Variants in TSHZ3 observed in about 807,000 individuals in gnomAD.
TSHZ3 encodes teashirt zinc finger homeobox 3.
In TSHZ3, 10 loss-of-function variants were observed where a neutral mutation model predicts 64.5. That is an observed-to-expected ratio of 0.16 (90% CI 0.10 to 0.26). The LOEUF is 0.26. Ranked by LOEUF, TSHZ3 falls within the 10% of genes least tolerant of loss-of-function variation. The pLI is 1.00. For missense variants in TSHZ3, 1,242 were observed against 1,421.7 expected, an observed-to-expected ratio of 0.87 and a Z score of 2.03; for synonymous variants, 608 against 593.1, an observed-to-expected ratio of 1.03 and a Z score of -0.36.
chr19:31,306,592 T>C (rs1486641543), intron 1 of TSHZ3, among the ~76,000 whole-genome samples: 1 of 152,190 alleles, frequency 6.6e-6, no homozygotes, highest in African/African-American at 2.4e-5. Flanking sequence ...TGTATGTGTG[T>C]GTGTAAAACC....
chr19:31,324,233 A>T (rs1916867320), intron 1 of TSHZ3, among the ~76,000 whole-genome samples: 1 of 152,180 alleles, frequency 6.6e-6, no homozygotes. Context: ...AATGTAGTAG[A>T]CTTGTGAGTT....
In TSHZ3 at chr19:31,231,452, C is replaced by T. The variant is rs116933601; in HGVS notation, n.551-3312G>A. ...CTCAATTTCCTTTGTGATTCAGCCT[C>T]GTATTATGTAGCCTGACTCCACTGT... On this transcript the variant is annotated intron_variant and non_coding_transcript_variant, in intron 3 of 6. Coordinates refer to the TSHZ3 transcript ENST00000651361. Among the ~76,000 whole-genome samples, 932 of 152,256 alleles carry T rather than the reference C, an allele frequency of 6.1e-3. 8 individuals are homozygous for T. The highest frequency in any genetic ancestry group is 0.012 in the South Asian group (60 of 4,824).
intron 4 of TSHZ3, among the ~76,000 whole-genome samples, chr19:31,213,722 T>C (rs757535266): frequency 5.3e-5 from 8 of 151,958 alleles, no homozygotes; most frequent in Non-Finnish European, 7.4e-5. Context: ...TGAAATAAAG[T>C]CTATTTAAAA....
chr19:31,237,472 A>G (rs1440299867), intron 3 of TSHZ3, among the ~76,000 whole-genome samples: 1 of 151,914 alleles, frequency 6.6e-6, no homozygotes, highest in East Asian at 1.9e-4. Context: ...CACCTCTAAT[A>G]CTGTTTATTT....
intron 3 of TSHZ3, among the ~76,000 whole-genome samples, chr19:31,233,541 A>T (rs1477870456): frequency 6.6e-6 from 1 of 152,068 alleles, no homozygotes; most frequent in East Asian, 1.9e-4. Flanking sequence ...GTGGTTTGTT[A>T]TGTCTTTTTC....
intron 4 of TSHZ3, among the ~76,000 whole-genome samples, chr19:31,225,020 G>T (rs1226469513): frequency 6.6e-6 from 1 of 152,204 alleles, no homozygotes; most frequent in Non-Finnish European, 1.5e-5. Context: ...CAATGTGCTG[G>T]CTGGAGGCCT....
intron 1 of TSHZ3, among the ~76,000 whole-genome samples, chr19:31,321,632 C>T (rs1416043870): frequency 1.3e-5 from 2 of 152,128 alleles, no homozygotes; most frequent in Non-Finnish European, 2.9e-5. Context: ...GATGTATCCT[C>T]GTTTCCCCAC....
At position 31,344,810 on chromosome 19, in the gene TSHZ3, C is replaced by T. The variant is rs147997799; in HGVS notation, c.40+4370G>A. Among the ~76,000 whole-genome samples the T allele has an allele frequency of 3.9e-5, 6 of 152,274 alleles. No homozygotes were observed. In the East Asian group the frequency reaches 7.7e-4, roughly 20 times the overall value. ...GGTATTTCCCACAGCCCTGAGCAGT[C>T]GCCTTTCATTCTAATCACTTGACAA... On this transcript the variant is annotated intron_variant, in intron 1 of 1. Coordinates refer to ENST00000240587, the MANE Select transcript of TSHZ3 (RefSeq NM_020856.4).
chr19:31,304,964 C>T (rs1976815839), intron 1 of TSHZ3, among the ~76,000 whole-genome samples: 2 of 152,244 alleles, frequency 1.3e-5, no homozygotes, highest in African/African-American at 4.8e-5. Flanking sequence ...AATTTAATAA[C>T]TGTGATCAGT....
intron 5 of TSHZ3, among the ~76,000 whole-genome samples, chr19:31,180,754 C>G (rs538691452): frequency 5.8e-4 from 89 of 152,272 alleles, no homozygotes; most frequent in Non-Finnish European, 1.1e-3. Flanking sequence ...GACGCTTTGA[C>G]AGGATTTCTG....
chr19:31,315,127 G>A (rs527312085), intron 1 of TSHZ3, among the ~76,000 whole-genome samples: 25 of 152,298 alleles, frequency 1.6e-4, no homozygotes, highest in African/African-American at 5.8e-4. Context: ...CTCCCCGAGC[G>A]GCCAGCAGAA....
rs1297454116 is a variant in TSHZ3, at chr19:31,278,816, A to T, written c.977T>A (p.Leu326Gln). The change falls in exon 2 of 2, where the codon CTG becomes CAG. Residue 326 changes from leucine to glutamine, a missense_variant. Around this residue, in one of 4 missense-constraint regions of TSHZ3, gnomAD observed 555 missense variants for 704.0 expected, o/e 0.79. Transcript: ENST00000240587. This position sits in a 1 kb window ranked among gnomAD's most constrained non-coding sequence, Gnocchi z 4.7. ...TGGGGAGCTGGGGAGCTCCAGCTCC[A>T]GGGAAGCTTTCTTCCGAGTGGCAGG... ...IIPATRKKASLELELPSSPDS... is the reference protein window; with the variant it reads ...IIPATRKKASQELELPSSPDS... The T allele has an allele frequency of 6.2e-7, 1 of 1,614,192 alleles. No homozygotes were observed. The highest frequency in any genetic ancestry group is 8.5e-7 in the Non-Finnish European group (1 of 1,180,024).
At chr19:31,252,120 A>T (rs1419860355) in intron 1 of TSHZ3, among the ~76,000 whole-genome samples, 1 of 152,224 alleles carries the variant, frequency 6.6e-6, no homozygotes, top group Non-Finnish European at 1.5e-5. Flanking sequence ...GACATTAAAC[A>T]TGGTGGCTTA....
At chr19:31,284,733 G>C (rs1976424611) in intron 1 of TSHZ3, among the ~76,000 whole-genome samples, 1 of 152,184 alleles carries the variant, frequency 6.6e-6, no homozygotes, top group African/African-American at 2.4e-5. Flanking sequence ...GGGATCACTT[G>C]TGTATGGCCA....
At chr19:31,254,817 A>G (rs898385186) in intron 1 of TSHZ3, among the ~76,000 whole-genome samples, 3 of 152,126 alleles carry the variant, frequency 2.0e-5, no homozygotes, top group African/African-American at 4.8e-5. Context: ...TCATCCATGA[A>G]TCCTCTTAGT....
In TSHZ3 at chr19:31,187,696, G is replaced by T. The variant is rs138817537; in HGVS notation, n.809+17260C>A. 4.3e-3 allele frequency among the ~76,000 whole-genome samples: 654 copies of T among 152,110 alleles called. 3 individuals are homozygous for T. The highest frequency in any genetic ancestry group is 0.015 in the African/African-American group (632 of 41,496). ...TTAAAGCATCATTTGCTGCAAGACT[G>T]CCCTTTTCTCATTGAATTGCCTTGC... On this transcript the variant is annotated intron_variant and non_coding_transcript_variant, in intron 5 of 6. Transcript: ENST00000651361.
At chr19:31,348,687 G>A (rs1037745152) in intron 1 of TSHZ3, among the ~76,000 whole-genome samples, 1 of 152,142 alleles carries the variant, frequency 6.6e-6, no homozygotes, top group Non-Finnish European at 1.5e-5. Flanking sequence ...GCCCAGTTTG[G>A]GCCCAAGAAA....
chr19:31,209,868 A>G (rs545529221), intron 4 of TSHZ3, among the ~76,000 whole-genome samples: 52 of 152,234 alleles, frequency 3.4e-4, no homozygotes, highest in African/African-American at 1.2e-3. Context: ...CCTTCTCCCC[A>G]TTCTGTGGCT....
intron 4 of TSHZ3, among the ~76,000 whole-genome samples, chr19:31,208,526 T>C (rs1170247061): frequency 2.6e-5 from 4 of 152,158 alleles, no homozygotes; most frequent in Non-Finnish European, 4.4e-5. Context: ...TGTGAGCAGA[T>C]AAAAACATCA....
Sources: allele counts gnomAD v4.1 joint callset (sites outside exome capture counted in the v4.1 genomes callset), GRCh38; gene constraint gnomAD v4.1.1; regional missense constraint gnomAD v4.1.1; non-coding constraint Gnocchi (gnomAD v3.1); transcripts MANE v1.5; gene names NCBI Gene and HGNC (gene_info 2026-07-23, HGNC 2026-07-21).